ZNF423: variants seen among roughly 807,000 people sequenced by gnomAD.
ZNF423 encodes the protein zinc finger protein 423.
Under a neutral mutation model 95.8 loss-of-function variants are expected in ZNF423, and 12 were observed. The ratio of observed to expected loss-of-function variants is 0.13; its 90% CI spans 0.08 to 0.20. The LOEUF is 0.20. ZNF423 is among the 10% of genes least tolerant of loss of function. The pLI is 1.00. For synonymous variants in ZNF423, 749 were observed against 711.9 expected, an observed-to-expected ratio of 1.05 and a Z score of -0.83; for missense variants, 1,316 against 1,737.1, an observed-to-expected ratio of 0.76 and a Z score of 4.31.
At chr16:49,543,732 A>G (rs1041500757) in intron 5 of ZNF423, among the ~76,000 whole-genome samples, 2 of 152,274 alleles carry the variant, frequency 1.3e-5, no homozygotes, top group Middle Eastern at 3.4e-3. Context: ...AGCTGGCCCA[A>G]CTGAGGAAGG....
intron 2 of ZNF423, among the ~76,000 whole-genome samples, chr16:49,747,075 G>C (rs922162900): frequency 1.3e-5 from 2 of 152,128 alleles, no homozygotes; most frequent in South Asian, 4.2e-4. Flanking sequence ...CATGCCCTTC[G>C]ACTCAGTCAC....
chr16:49,745,602 G>A (rs933716124), intron 2 of ZNF423, among the ~76,000 whole-genome samples: 4 of 152,140 alleles, frequency 2.6e-5, no homozygotes, highest in Non-Finnish European at 4.4e-5. Context: ...TTTTTGAGGC[G>A]CACTCGAGCG....
chr16:49,563,305 T>A (rs1193394321), intron 5 of ZNF423, among the ~76,000 whole-genome samples: 1 of 152,130 alleles, frequency 6.6e-6, no homozygotes, highest in Non-Finnish European at 1.5e-5. Context: ...TCTTGCTCCC[T>A]CTCTTGTCAC....
rs541942139 is a variant in ZNF423, at chr16:49,756,606, C to T, written c.101-25635G>A. ...AATGCGTGTCTCGAAAGGTCCCTGCCCATCCCTTAAGCTTGGACCCAGGGA... is the reference window on the plus strand; with the variant it reads ...AATGCGTGTCTCGAAAGGTCCCTGCTCATCCCTTAAGCTTGGACCCAGGGA... On this transcript the variant is annotated intron_variant, in intron 2 of 7. Coordinates refer to ENST00000563137, the MANE Select transcript of ZNF423 (RefSeq NM_001379286.1). Among the ~76,000 whole-genome samples, 9 of 152,280 alleles carry T rather than the reference C, an allele frequency of 5.9e-5. 1 individual carries two copies. The South Asian group carries it at 1.9e-3, about 32-fold the overall frequency.
intron 2 of ZNF423, among the ~76,000 whole-genome samples, chr16:49,746,148 T>G (rs565936167): frequency 6.6e-5 from 10 of 152,082 alleles, no homozygotes; most frequent in Non-Finnish European, 1.3e-4. Context: ...GTGGAGGGCA[T>G]TCTGTGAGTG....
At chr16:49,578,631 G>A (rs1970572273) in intron 5 of ZNF423, among the ~76,000 whole-genome samples, 1 of 152,208 alleles carries the variant, frequency 6.6e-6, no homozygotes, top group Non-Finnish European at 1.5e-5. Flanking sequence ...GCTGGGAGCT[G>A]GGACCTTGTG....
At chr16:49,751,800 A>T (rs1235739030) in intron 2 of ZNF423, among the ~76,000 whole-genome samples, 1 of 152,092 alleles carries the variant, frequency 6.6e-6, no homozygotes, top group Non-Finnish European at 1.5e-5. Flanking sequence ...AGCCTTGCCA[A>T]CTCAGCAACT....
chr16:49,717,505 T>A (rs2032742762), intron 3 of ZNF423, among the ~76,000 whole-genome samples: 1 of 152,204 alleles, frequency 6.6e-6, no homozygotes, highest in Admixed American at 6.5e-5. Flanking sequence ...ACTTTTCAGG[T>A]CTGCTATTCA....
chr16:49,717,080 C>A (rs1164277452), intron 3 of ZNF423, among the ~76,000 whole-genome samples: 2 of 152,174 alleles, frequency 1.3e-5, no homozygotes, highest in Admixed American at 1.3e-4. Context: ...CTTGCAAAGA[C>A]TCTCACCAAC....
chr16:49,518,448 A>G, intron 7 of ZNF423: 1 of 431,934 alleles, frequency 2.3e-6, no homozygotes, highest in Non-Finnish European at 4.6e-6. Flanking sequence ...GCAGACTTAG[A>G]AAATTTTCCA....
chr16:49,494,408 A>G (rs1395873397), intron 7 of ZNF423, among the ~76,000 whole-genome samples: 1 of 152,258 alleles, frequency 6.6e-6, no homozygotes, highest in Non-Finnish European at 1.5e-5. Flanking sequence ...GAATTCACTC[A>G]GCACTACATT....
chr16:49,781,891 C>T (rs1378690618), intron 2 of ZNF423, among the ~76,000 whole-genome samples: 1 of 152,226 alleles, frequency 6.6e-6, no homozygotes, highest in Non-Finnish European at 1.5e-5. Flanking sequence ...GCCAGCTCTA[C>T]CTCCCATCTG....
intron 1 of ZNF423, among the ~76,000 whole-genome samples, chr16:49,801,383 A>G (rs923869198): frequency 6.6e-6 from 1 of 152,218 alleles, no homozygotes; most frequent in South Asian, 2.1e-4. Context: ...AGAGTCCCAA[A>G]TAAGAGAAAT....
At chr16:49,740,301 T>C (rs537391541) in intron 2 of ZNF423, among the ~76,000 whole-genome samples, 55 of 152,300 alleles carry the variant, frequency 3.6e-4, no homozygotes, top group African/African-American at 1.2e-3. Context: ...CTCTATTCAG[T>C]GTTCGTTTGG....
chr16:49,514,220 GCACATGCGTACACACACACGCACACGCA>G (rs1968033167), intron 7 of ZNF423, among the ~76,000 whole-genome samples: 1 of 133,068 alleles, frequency 7.5e-6, no homozygotes, highest in African/African-American at 3.0e-5. Context: ...ACATGCACAC[GCACATGCGTACACACACACGCACACGCA>G]CACACACACA....
intron 1 of ZNF423, among the ~76,000 whole-genome samples, chr16:49,836,510 A>G (rs984300514): frequency 6.6e-6 from 1 of 152,134 alleles, no homozygotes; most frequent in Non-Finnish European, 1.5e-5. Context: ...GTGTGTAGAC[A>G]GTGACCCTGG....
At chr16:49,518,322 T>C (rs1968239091) in intron 7 of ZNF423, 1 of 403,222 alleles carries the variant, frequency 2.5e-6, no homozygotes, top group African/African-American at 2.1e-5. Context: ...TGATACTGTT[T>C]CTGAATGTGT....
intron 5 of ZNF423, among the ~76,000 whole-genome samples, chr16:49,545,160 A>G (rs1399045481): frequency 1.3e-5 from 2 of 152,208 alleles, no homozygotes; most frequent in Non-Finnish European, 2.9e-5. Context: ...GGAACACTTT[A>G]TCCCCAGGTC....
At chr16:49,845,982 C>T (rs1395447993) in intron 1 of ZNF423, among the ~76,000 whole-genome samples, 1 of 152,042 alleles carries the variant, frequency 6.6e-6, no homozygotes, top group Non-Finnish European at 1.5e-5. Context: ...TTCACTGTGG[C>T]CCCAGGAGGT....
Sources: gnomAD v4.1 joint callset for allele counts (sites outside exome capture counted in the v4.1 genomes callset) on GRCh38, gnomAD v4.1.1 for gene constraint, MANE v1.5 for transcripts, NCBI Gene and HGNC (gene_info 2026-07-23, HGNC 2026-07-21) for gene names.